Variants in POP1 observed in about 807,000 individuals in gnomAD.
POP1 encodes the protein POP1 ribonuclease P/MRP subunit.
In POP1, 75 loss-of-function variants were observed where a neutral mutation model predicts 102.2. The observed-to-expected ratio is 0.73, with a 90% confidence interval of 0.61 to 0.89. POP1 has a LOEUF of 0.89. POP1 is among the 40% of genes least tolerant of loss of function. The probability of loss-of-function intolerance (pLI) is 0.00; values close to 1 mark genes in which losing one functional copy is unlikely to be tolerated. For synonymous variants in POP1, 436 were observed against 464.1 expected (o/e 0.94, Z 0.78); for missense variants, 1,116 against 1,267.4 (o/e 0.88, Z 1.81).
intron 4 of POP1, among the ~76,000 whole-genome samples, chr8:98,128,845 C>G (rs527334967): frequency 6.6e-6 from 1 of 152,072 alleles, no homozygotes; most frequent in African/African-American, 2.4e-5. Flanking sequence ...GTACCCTGAG[C>G]CAGGGGAGGT....
chr8:98,157,918 A>T lies in POP1; in HGVS notation c.2722A>T (p.Ile908Phe). The change falls in exon 16 of 16, where the codon ATC (isoleucine) becomes TTC (phenylalanine). Residue 908 changes from isoleucine to phenylalanine, a missense_variant. Transcript: ENST00000401707. Reference protein sequence around the residue: ...SKHSDPFRSKILKQKEKKKRE... With the variant: ...SKHSDPFRSKFLKQKEKKKRE... The stretch of plus-strand genomic sequence containing the variant: ...ACACAGTGACCCATTCAGGAGCAAG[A>T]TCCTGAAACAGAAAGAGAAGAAGAA... 1 of 1,614,162 alleles carries T rather than the reference A, an allele frequency of 6.2e-7. No individual in the cohort carries two copies. The highest frequency in any genetic ancestry group is 1.1e-5 in the South Asian group (1 of 91,088).
intron 11 of POP1, among the ~76,000 whole-genome samples, chr8:98,143,030 A>G (rs1342454017): frequency 1.3e-5 from 2 of 152,252 alleles, no homozygotes; most frequent in East Asian, 3.8e-4. Context: ...AGTAAAACTC[A>G]TTAAAAGAAA....
chr8:98,151,804 G>A (rs1023547099), intron 14 of POP1, among the ~76,000 whole-genome samples: 2 of 148,708 alleles, frequency 1.3e-5, no homozygotes, highest in Non-Finnish European at 3.0e-5. Context: ...GTACAGTGGC[G>A]TGATCATGGC....
intron 1 of POP1, among the ~76,000 whole-genome samples, chr8:98,119,028 C>A (rs1815935921): frequency 6.6e-6 from 1 of 152,054 alleles, no homozygotes; most frequent in South Asian, 2.1e-4. Flanking sequence ...ATGAATAAGT[C>A]ATGTAGAATA....
At chr8:98,124,391 G>A (rs116879341) in intron 2 of POP1, among the ~76,000 whole-genome samples, 3,498 of 152,096 alleles carry the variant, frequency 0.023, 66 homozygotes, top group Middle Eastern at 0.051. Context: ...GCGAAACTCC[G>A]TCTCTACTAG....
At chr8:98,142,020 G>A (rs1816719027) in intron 11 of POP1, among the ~76,000 whole-genome samples, 1 of 152,140 alleles carries the variant, frequency 6.6e-6, no homozygotes, top group South Asian at 2.1e-4. Context: ...TTTACTCAAT[G>A]AGTCATTGCC....
intron 11 of POP1, among the ~76,000 whole-genome samples, chr8:98,145,872 C>T (rs1816830217): frequency 6.6e-6 from 1 of 151,772 alleles, no homozygotes; most frequent in South Asian, 2.1e-4. Context: ...CGCCACTGCA[C>T]TCCAGCCTGG....
At chr8:98,157,389 C>T (rs1809677792) in intron 15 of POP1, among the ~76,000 whole-genome samples, 1 of 152,140 alleles carries the variant, frequency 6.6e-6, no homozygotes, top group Non-Finnish European at 1.5e-5. Context: ...TCCCTGCCTT[C>T]AACTTCTTAA....
chr8:98,122,623 A>T (rs1816063485), intron 1 of POP1, among the ~76,000 whole-genome samples: 1 of 152,196 alleles, frequency 6.6e-6, no homozygotes, highest in Non-Finnish European at 1.5e-5. Flanking sequence ...TCTATTCATA[A>T]TATCATCTAG....
At chr8:98,130,298 T>G in intron 5 of POP1, 72 bp downstream of exon 5, 1 of 1,585,870 alleles carries the variant, frequency 6.3e-7, no homozygotes, top group South Asian at 1.1e-5. Context: ...TAGAATAGTT[T>G]ATGATGTGCC....
rs1293531027 is a variant in POP1, at chr8:98,150,545, A to G, written c.1963A>G (p.Arg655Gly). Residue 655 changes from arginine to glycine, a missense_variant, in exon 14 of 16, where the codon AGG becomes GGG. By Grantham distance (125) the Arg-to-Gly change is moderately radical. Coordinates refer to ENST00000401707, the MANE Select transcript of POP1 (RefSeq NM_001145860.2). ...GTCTGCAGTGCATTCTCAGTATAAG[A>G]GGTCGCCTAATGTCCCAGGCGATTT... ...KESAVHSQYK[R>G]SPNVPGDFPD... is the part of the protein sequence containing the mutation. 6.2e-7 allele frequency: 1 copy of G among 1,614,172 alleles called. No homozygotes were observed. Among genetic ancestry groups the G allele is most frequent in the Admixed American group, 1.7e-5 (1 of 60,024 alleles).
chr8:98,139,169 T>C (rs1816635931), intron 9 of POP1, among the ~76,000 whole-genome samples: 1 of 152,160 alleles, frequency 6.6e-6, no homozygotes, highest in Non-Finnish European at 1.5e-5. Context: ...TTCTTTAGGA[T>C]CCGTAAGTGC....
At position 98,148,891 on chromosome 8, in the gene POP1, C is replaced by G; in HGVS notation, c.1787C>G (p.Pro596Arg). ...LILGPHESKI[P>R]ILLIQQPGKV... ...TTAGGTCCCCATGAATCCAAGATACCTATACTTTTGATTCAGCAGCCAGGA... is the reference window on the plus strand; with the variant it reads ...TTAGGTCCCCATGAATCCAAGATACGTATACTTTTGATTCAGCAGCCAGGA... The change falls in exon 13 of 16, where the codon CCT becomes CGT. Residue 596 changes from proline (P) to arginine (R), a missense_variant. By Grantham distance (103) the Pro-to-Arg change is moderately radical. Coordinates refer to ENST00000401707, the MANE Select transcript of POP1 (RefSeq NM_001145860.2). 1 of 1,613,846 alleles carries G rather than the reference C, an allele frequency of 6.2e-7. No individual in the cohort carries two copies. The highest frequency in any genetic ancestry group is 8.5e-7 in the Non-Finnish European group (1 of 1,179,892).
chr8:98,153,806 G>A (rs1401205877), intron 14 of POP1, among the ~76,000 whole-genome samples: 1 of 152,118 alleles, frequency 6.6e-6, no homozygotes, highest in Admixed American at 6.5e-5. Context: ...AAAGTGCTGG[G>A]ATTAGAGGTG....
At chr8:98,146,815 G>T (rs1167941906) in intron 12 of POP1, 132 bp downstream of exon 12, 2 of 704,712 alleles carry the variant, frequency 2.8e-6, no homozygotes, top group African/African-American at 3.5e-5. Flanking sequence ...ACAAGTTGTT[G>T]ATCCCTAACT....
intron 1 of POP1, among the ~76,000 whole-genome samples, chr8:98,121,937 A>G (rs1251283700): frequency 2.0e-5 from 3 of 152,040 alleles, no homozygotes; most frequent in Non-Finnish European, 4.4e-5. Flanking sequence ...CGCCCGCCTC[A>G]GCCTCCCAAA....
In POP1 at chr8:98,148,896, C is replaced by T; in HGVS notation, c.1792C>T (p.Leu598Phe). The T allele has an allele frequency of 6.2e-7, 1 of 1,613,908 alleles. No individual in the cohort carries two copies. Among genetic ancestry groups the T allele is most frequent in the South Asian group, 1.1e-5 (1 of 91,024 alleles). ...LGPHESKIPI[L>F]LIQQPGKVTG... ...TCCCCATGAATCCAAGATACCTATA[C>T]TTTTGATTCAGCAGCCAGGAAAAGT... Residue 598 changes from leucine (L) to phenylalanine (F), a missense_variant, in exon 13 of 16, where the codon CTT (leucine) becomes TTT (phenylalanine). Physicochemically the swap from Leu to Phe is conservative, Grantham distance 22. Transcript: ENST00000401707.
intron 1 of POP1, among the ~76,000 whole-genome samples, chr8:98,119,899 C>T (rs1227413962): frequency 6.6e-6 from 1 of 152,158 alleles, no homozygotes; most frequent in Admixed American, 6.5e-5. Context: ...ATTAAATCCT[C>T]AGACTTCATA....
chr8:98,120,875 T>C (rs1429865014), intron 1 of POP1, among the ~76,000 whole-genome samples: 1 of 152,162 alleles, frequency 6.6e-6, no homozygotes, highest in Non-Finnish European at 1.5e-5. Flanking sequence ...CTTGATCTCC[T>C]GACCTTGTGA....
Sources: allele counts gnomAD v4.1 joint callset (sites outside exome capture counted in the v4.1 genomes callset), GRCh38; gene constraint gnomAD v4.1.1; transcripts MANE v1.5; gene names NCBI Gene and HGNC (gene_info 2026-07-23, HGNC 2026-07-21).